AGBL4: variants seen among roughly 807,000 people sequenced by gnomAD.
The protein encoded by AGBL4 is cytosolic carboxypeptidase 6.
Under a neutral mutation model 66.4 loss-of-function variants are expected in AGBL4, and 58 were observed. The observed-to-expected ratio is 0.87, with a 90% CI of 0.71 to 1.09. AGBL4 has a LOEUF of 1.09. Among genes scored for constraint, AGBL4 ranks in the 50% least tolerant of loss-of-function variants. The probability of loss-of-function intolerance (pLI) is 0.00; values close to 1 mark genes in which losing one functional copy is unlikely to be tolerated. For missense variants in AGBL4, 579 were observed against 631.0 expected, an observed-to-expected ratio of 0.92 and a Z score of 0.88; for synonymous variants, 234 against 222.9, an observed-to-expected ratio of 1.05 and a Z score of -0.44.
At chr1:49,166,585 G>C (rs1473505173) in intron 4 of AGBL4, among the ~76,000 whole-genome samples, 1 of 151,566 alleles carries the variant, frequency 6.6e-6, no homozygotes, top group Non-Finnish European at 1.5e-5. Context: ...GTTGAATAAA[G>C]TATACATCCA....
chr1:49,959,073 G>A (rs542991077), intron 1 of AGBL4, among the ~76,000 whole-genome samples: 4 of 151,718 alleles, frequency 2.6e-5, no homozygotes, highest in South Asian at 4.2e-4. Context: ...TAGTTATTGG[G>A]TATCAAGAGA....
At chr1:49,422,067 C>T (rs1239326763) in intron 3 of AGBL4, among the ~76,000 whole-genome samples, 1 of 152,204 alleles carries the variant, frequency 6.6e-6, no homozygotes, top group Non-Finnish European at 1.5e-5. Context: ...TGTAGATAGA[C>T]TTTGGTCTTA....
At chr1:49,659,223 A>G (rs1646219163) in intron 3 of AGBL4, among the ~76,000 whole-genome samples, 1 of 152,194 alleles carries the variant, frequency 6.6e-6, no homozygotes, top group Non-Finnish European at 1.5e-5. Context: ...TGAAGTACAC[A>G]GACCAATGAC....
At chr1:49,404,696 T>C (rs1259153426) in intron 3 of AGBL4, among the ~76,000 whole-genome samples, 2 of 152,256 alleles carry the variant, frequency 1.3e-5, no homozygotes, top group East Asian at 1.9e-4. Context: ...GAATTCTTTA[T>C]GTCATGGTTT....
Position 49,848,292 on chromosome 1 carries a change from C to G in AGBL4, c.157+3104G>C, listed in dbSNP as rs187899017. Reference sequence around the variant, plus strand: ...TTCTAAGAACTAAAAATAGAACTACCATTCAATCCAGTAATCCCACTACTG... The same window carrying G: ...TTCTAAGAACTAAAAATAGAACTACGATTCAATCCAGTAATCCCACTACTG... On this transcript the variant is annotated intron_variant, in intron 2 of 13. Transcript: ENST00000371839. 3.4e-3 allele frequency among the ~76,000 whole-genome samples: 512 copies of G among 152,172 alleles called. 5 individuals carry two copies. Among genetic ancestry groups the G allele is most frequent in the African/African-American group, 0.012 (495 of 41,516 alleles).
chr1:49,507,543 C>T (rs1361006152), intron 3 of AGBL4, among the ~76,000 whole-genome samples: 1 of 151,712 alleles, frequency 6.6e-6, no homozygotes, highest in African/African-American at 2.4e-5. Context: ...TTTTCAATTA[C>T]TCCTTCCCCA....
intron 3 of AGBL4, among the ~76,000 whole-genome samples, chr1:49,631,993 C>T (rs1478126837): frequency 2.6e-5 from 4 of 152,192 alleles, no homozygotes; most frequent in African/African-American, 9.7e-5. Flanking sequence ...TATTAGTCAA[C>T]TATGCTCCCC....
chr1:48,881,303 T>C (rs974428675), intron 5 of AGBL4, among the ~76,000 whole-genome samples: 1 of 152,218 alleles, frequency 6.6e-6, no homozygotes, highest in Non-Finnish European at 1.5e-5. Context: ...TATTGAACTG[T>C]TGTTTTAATT....
intron 3 of AGBL4, among the ~76,000 whole-genome samples, chr1:49,689,007 C>T (rs1264220732): frequency 6.6e-6 from 1 of 151,968 alleles, no homozygotes; most frequent in African/African-American, 2.4e-5. Context: ...CAAATATTTT[C>T]TCCTATTGTG....
At chr1:49,955,824 C>T (rs1425458584) in intron 1 of AGBL4, among the ~76,000 whole-genome samples, 1 of 151,810 alleles carries the variant, frequency 6.6e-6, no homozygotes, top group Non-Finnish European at 1.5e-5. Context: ...ACAATGCAAT[C>T]ACTCTGTGCC....
intron 4 of AGBL4, among the ~76,000 whole-genome samples, chr1:49,171,505 A>G (rs1358724808): frequency 1.3e-5 from 2 of 152,230 alleles, no homozygotes; most frequent in Non-Finnish European, 2.9e-5. Context: ...TTTTCCTGCA[A>G]GGATATATCT....
intron 4 of AGBL4, among the ~76,000 whole-genome samples, chr1:49,194,567 T>A (rs537289860): frequency 2.0e-5 from 3 of 152,338 alleles, no homozygotes; most frequent in East Asian, 1.9e-4. Flanking sequence ...TTAATTGTTA[T>A]CTAATATTTT....
intron 10 of AGBL4, among the ~76,000 whole-genome samples, chr1:48,588,873 A>AAGAG (rs1644870814): frequency 6.6e-6 from 1 of 152,014 alleles, no homozygotes; most frequent in African/African-American, 2.4e-5. Context: ...AAGAGAAGAG[A>AAGAG]CAGCAATTGG....
chr1:48,532,066 G>A (rs1490008423), downstream of AGBL4, among the ~76,000 whole-genome samples: 1 of 152,156 alleles, frequency 6.6e-6, no homozygotes, highest in African/African-American at 2.4e-5. Context: ...TTACAGGTGT[G>A]AGCCACCGCA....
At chr1:48,994,363 T>A (rs1357547194) in intron 5 of AGBL4, among the ~76,000 whole-genome samples, 1 of 152,212 alleles carries the variant, frequency 6.6e-6, no homozygotes, top group Non-Finnish European at 1.5e-5. Context: ...TTCCTCCCTG[T>A]ACTATGCTTA....
At chr1:48,562,043 A>C (rs1425430379) in intron 11 of AGBL4, among the ~76,000 whole-genome samples, 1 of 152,252 alleles carries the variant, frequency 6.6e-6, no homozygotes, top group Non-Finnish European at 1.5e-5. Flanking sequence ...ATTGATATTG[A>C]CATAGATATT....
chr1:49,395,786 T>C (rs1570612445), intron 3 of AGBL4, among the ~76,000 whole-genome samples: 2 of 138,478 alleles, frequency 1.4e-5, no homozygotes, highest in South Asian at 2.2e-4. Flanking sequence ...CATGTGTATA[T>C]ATGTATATAT....
chr1:49,927,259 C>T (rs1172882599), intron 1 of AGBL4, among the ~76,000 whole-genome samples: 6 of 152,102 alleles, frequency 3.9e-5, no homozygotes, highest in Non-Finnish European at 7.4e-5. Flanking sequence ...TGAGTATTAA[C>T]CATCACAGGC....
At chr1:49,002,050 G>T (rs1364612365) in intron 5 of AGBL4, among the ~76,000 whole-genome samples, 2 of 152,198 alleles carry the variant, frequency 1.3e-5, no homozygotes, top group African/African-American at 4.8e-5. Context: ...TAGCTAGAGT[G>T]TAATAAGTGA....
Sources: allele counts gnomAD v4.1 joint callset (sites outside exome capture counted in the v4.1 genomes callset), GRCh38; gene constraint gnomAD v4.1.1; transcripts MANE v1.5; gene names NCBI Gene and HGNC (gene_info 2026-07-23, HGNC 2026-07-21).